Variants in DPYD observed in about 807,000 individuals in gnomAD.
DPYD encodes dihydropyrimidine dehydrogenase.
In DPYD, 109 loss-of-function variants were observed where a neutral mutation model predicts 116.2. The observed-to-expected ratio is 0.94, with a 90% confidence interval of 0.80 to 1.10. The LOEUF (loss-of-function observed/expected upper bound fraction) is 1.10. DPYD is among the 50% of genes least tolerant of loss of function. The probability of loss-of-function intolerance (pLI) is 0.00; values close to 1 mark genes in which losing one functional copy is unlikely to be tolerated. For missense variants in DPYD, 1,302 were observed against 1,254.5 expected (o/e 1.04, Z -0.57); for synonymous variants, 440 against 432.0 (o/e 1.02, Z -0.23).
chr1:97,466,945 G>C (rs1343367366), intron 13 of DPYD, among the ~76,000 whole-genome samples: 2 of 152,140 alleles, frequency 1.3e-5, no homozygotes, highest in Non-Finnish European at 2.9e-5. Context: ...TGCAGTGGGG[G>C]GTGGAGGGTG....
intron 20 of DPYD, among the ~76,000 whole-genome samples, chr1:97,100,217 T>C (rs1435494491): frequency 2.6e-5 from 4 of 152,094 alleles, no homozygotes; most frequent in Non-Finnish European, 1.5e-5. Context: ...CCTTATCACA[T>C]ATATAAGCAT....
intron 20 of DPYD, among the ~76,000 whole-genome samples, chr1:97,157,033 C>A (rs375286911): frequency 6.9e-6 from 1 of 144,082 alleles, no homozygotes; most frequent in South Asian, 2.2e-4. Context: ...AACCAAACAC[C>A]GCATATTCTC....
chr1:97,133,117 A>T (rs1293955080), intron 20 of DPYD, among the ~76,000 whole-genome samples: 2 of 152,062 alleles, frequency 1.3e-5, no homozygotes, highest in Non-Finnish European at 2.9e-5. Context: ...CTGACTATAG[A>T]GTACTAAGAT....
chr1:97,082,304 C>G, intron 22 of DPYD, 26 bp downstream of exon 22: 1 of 1,613,084 alleles, frequency 6.2e-7, no homozygotes, highest in Non-Finnish European at 8.5e-7. Flanking sequence ...TGTCTCATAG[C>G]ATTCTAATTC....
At chr1:97,667,715 T>A (rs1659640802) in intron 8 of DPYD, among the ~76,000 whole-genome samples, 2 of 152,102 alleles carry the variant, frequency 1.3e-5, no homozygotes, top group African/African-American at 2.4e-5. Context: ...CATATGGATG[T>A]GTGGCCAAAA....
chr1:97,641,779 G>A (rs560198616), intron 8 of DPYD, among the ~76,000 whole-genome samples: 2 of 152,116 alleles, frequency 1.3e-5, no homozygotes, highest in Admixed American at 6.5e-5. Flanking sequence ...GAAATAAAGG[G>A]TATTCAATTA....
At chr1:97,886,509 G>A (rs955241974) in intron 1 of DPYD, among the ~76,000 whole-genome samples, 2 of 152,022 alleles carry the variant, frequency 1.3e-5, no homozygotes, top group African/African-American at 2.4e-5. Flanking sequence ...TGCACACAAG[G>A]AAGAGCAAGC....
In DPYD at chr1:97,177,835, C is replaced by T. The variant is rs182984010; in HGVS notation, c.2622+15234G>A. ...AACTTGGTGGCTTATAAACAACATA[C>T]ATTTATTTCTCACCATTCTGGACGC... On this transcript the variant is annotated intron_variant, in intron 20 of 22. Transcript: ENST00000370192. 5.3e-5 allele frequency among the ~76,000 whole-genome samples: 8 copies of T among 152,174 alleles called. No homozygotes were observed. The East Asian group carries it at 1.5e-3, about 29-fold the overall frequency.
At chr1:97,461,915 A>C (rs1677054468) in intron 13 of DPYD, among the ~76,000 whole-genome samples, 1 of 152,204 alleles carries the variant, frequency 6.6e-6, no homozygotes, top group Admixed American at 6.5e-5. Context: ...TAAACTCCAA[A>C]CTGCTTTGCA....
chr1:97,345,074 T>C (rs998102516), intron 16 of DPYD, among the ~76,000 whole-genome samples: 4 of 151,906 alleles, frequency 2.6e-5, no homozygotes, highest in Non-Finnish European at 5.9e-5. Context: ...ACCAGCTGGG[T>C]TGGATATCTT....
At chr1:97,216,633 A>C (rs960481327) in intron 19 of DPYD, among the ~76,000 whole-genome samples, 3 of 151,668 alleles carry the variant, frequency 2.0e-5, no homozygotes, top group Non-Finnish European at 4.4e-5. Context: ...TATCTACTAA[A>C]AATACAAAAA....
rs145719073 is a variant in DPYD at position 97,365,641 on chromosome 1, T to C, written c.2058+7920A>G. 5.0e-3 allele frequency among the ~76,000 whole-genome samples: 764 copies of C among 152,264 alleles called. 9 individuals are homozygous for C. The highest frequency in any genetic ancestry group is 0.017 in the African/African-American group (692 of 41,568). On this transcript the variant is annotated intron_variant, in intron 16 of 22. Coordinates refer to ENST00000370192, the MANE Select transcript of DPYD (RefSeq NM_000110.4). ...AAACCAAGTAAGTTAAAAAAATCCA[T>C]AGTTAGCTGTTTTTCCTGTAACATT...
At chr1:97,652,757 C>G (rs1345301721) in intron 8 of DPYD, among the ~76,000 whole-genome samples, 2 of 152,122 alleles carry the variant, frequency 1.3e-5, no homozygotes, top group Admixed American at 1.3e-4. Flanking sequence ...AATCAAGAAA[C>G]TCAGATGCTT....
chr1:97,619,435 A>C (rs192392067), intron 8 of DPYD, among the ~76,000 whole-genome samples: 1 of 152,322 alleles, frequency 6.6e-6, no homozygotes, highest in East Asian at 1.9e-4. Flanking sequence ...CAAGTTAGCA[A>C]CTTTCCATGA....
intron 13 of DPYD, among the ~76,000 whole-genome samples, chr1:97,514,513 G>A (rs1557764944): frequency 6.6e-6 from 1 of 151,510 alleles, no homozygotes; most frequent in Non-Finnish European, 1.5e-5. Context: ...AATTCTTAAC[G>A]AATCAATTGA....
chr1:97,615,289 TTCTG>T (rs1453100635), intron 8 of DPYD, among the ~76,000 whole-genome samples: 3 of 152,146 alleles, frequency 2.0e-5, no homozygotes, highest in Admixed American at 6.6e-5. Flanking sequence ...TATTCACACT[TTCTG>T]TCTTTTTGAA....
At chr1:97,883,935 A>C (rs1672359986) in intron 1 of DPYD, 12 of 437,102 alleles carry the variant, frequency 2.7e-5, no homozygotes, top group South Asian at 1.2e-4. Context: ...TTTTCCAAAA[A>C]AAAGTTCAGT....
chr1:97,503,037 A>G (rs145796528), intron 13 of DPYD, among the ~76,000 whole-genome samples: 176 of 152,156 alleles, frequency 1.2e-3, no homozygotes, highest in African/African-American at 3.8e-3. Flanking sequence ...TAACGTTTCA[A>G]TAATAACTAG....
chr1:97,737,405 C>G (rs1664022216), intron 4 of DPYD, among the ~76,000 whole-genome samples: 1 of 152,060 alleles, frequency 6.6e-6, no homozygotes, highest in African/African-American at 2.4e-5. Context: ...TACGGACTTT[C>G]CAACATTTTT....
Sources: allele counts gnomAD v4.1 joint callset (sites outside exome capture counted in the v4.1 genomes callset), GRCh38; gene constraint gnomAD v4.1.1; transcripts MANE v1.5; gene names NCBI Gene and HGNC (gene_info 2026-07-23, HGNC 2026-07-21).